SLC39A11: variants seen among roughly 807,000 people sequenced by gnomAD.
The protein encoded by SLC39A11 is zinc transporter ZIP11.
In SLC39A11, 33 loss-of-function variants were observed where a neutral mutation model predicts 36.1. The observed-to-expected ratio is 0.91, with a 90% CI of 0.69 to 1.22. SLC39A11 has a LOEUF of 1.22. SLC39A11 is among the 50% of genes most tolerant of loss of function. SLC39A11 has a pLI of 0.00. For synonymous variants in SLC39A11, 166 were observed against 170.3 expected, an observed-to-expected ratio of 0.97 and a Z score of 0.20; for missense variants, 432 against 430.3, an observed-to-expected ratio of 1.00 and a Z score of -0.03.
intron 5 of SLC39A11, among the ~76,000 whole-genome samples, chr17:72,924,093 G>A (rs2083875560): frequency 6.8e-6 from 1 of 147,430 alleles, no homozygotes; most frequent in Non-Finnish European, 1.5e-5. Context: ...GCTGCAGTGA[G>A]CCAAATGGCA....
At chr17:72,888,577 A>G (rs143123313) in intron 5 of SLC39A11, among the ~76,000 whole-genome samples, 14 of 152,228 alleles carry the variant, frequency 9.2e-5, no homozygotes, top group Non-Finnish European at 1.8e-4. Context: ...CATTTTGCCT[A>G]CTCGATCAGC....
chr17:73,047,978 A>AAT (rs1307418502), intron 3 of SLC39A11, among the ~76,000 whole-genome samples: 2 of 55,560 alleles, frequency 3.6e-5, no homozygotes, highest in Non-Finnish European at 8.0e-5. Flanking sequence ...AAAAAAAAAA[A>AAT]AAAAAAAAAA....
At chr17:72,838,025 T>C in intron 6 of SLC39A11, 1 of 1,220,850 alleles carries the variant, frequency 8.2e-7, no homozygotes, top group Non-Finnish European at 1.0e-6. Flanking sequence ...GGCTTACACC[T>C]ATAATCTCAG....
chr17:72,864,481 C>T (rs1028639714), intron 5 of SLC39A11, among the ~76,000 whole-genome samples: 2 of 152,086 alleles, frequency 1.3e-5, no homozygotes, highest in Non-Finnish European at 2.9e-5. Flanking sequence ...ACCAAATAAG[C>T]CATGGGCTGT....
intron 6 of SLC39A11, 85 bp downstream of exon 6, chr17:72,849,549 C>A (rs12449747): frequency 0.9 from 1,235,562 of 1,367,922 alleles, 558,707 homozygotes; most frequent in East Asian, 0.97. Flanking sequence ...ACAATTGCCC[C>A]TTCCCCTTTT....
chr17:72,986,368 G>C (rs536281050), intron 4 of SLC39A11, among the ~76,000 whole-genome samples: 1 of 152,198 alleles, frequency 6.6e-6, no homozygotes, highest in Non-Finnish European at 1.5e-5. Flanking sequence ...GCCTGGCCAT[G>C]CAGACAAAGC....
At position 72,689,988 on chromosome 17, in the gene SLC39A11, C is replaced by T. The variant is rs142948213; in HGVS notation, c.672-40720G>A. On this transcript the variant is annotated intron_variant, in intron 7 of 9. Coordinates refer to ENST00000255559, the MANE Select transcript of SLC39A11 (RefSeq NM_139177.4). ...ATGTTCAAAGAAAGCCTCCTCTCCA[C>T]CGAGCGCTGTGTGAGGGGATCATAC... 9.2e-5 allele frequency among the ~76,000 whole-genome samples: 14 copies of T among 152,358 alleles called. No individual in the cohort carries two copies. In the East Asian group the frequency reaches 2.5e-3, roughly 27 times the overall value.
At chr17:73,085,995 A>C (rs1285180297) in intron 2 of SLC39A11, among the ~76,000 whole-genome samples, 1 of 152,236 alleles carries the variant, frequency 6.6e-6, no homozygotes, top group Non-Finnish European at 1.5e-5. Flanking sequence ...AAGTAGGGTA[A>C]AATCAGCCAG....
chr17:72,677,333 T>C (rs2071312000), intron 7 of SLC39A11, among the ~76,000 whole-genome samples: 1 of 152,144 alleles, frequency 6.6e-6, no homozygotes, highest in Non-Finnish European at 1.5e-5. Flanking sequence ...CAGGAGGCCA[T>C]GGCCAACACC....
At chr17:72,808,812 G>C (rs1203434993) in intron 6 of SLC39A11, among the ~76,000 whole-genome samples, 1 of 151,852 alleles carries the variant, frequency 6.6e-6, no homozygotes, top group African/African-American at 2.4e-5. Flanking sequence ...GTCGGACTCA[G>C]CACATGAGGA....
chr17:72,680,254 C>T (rs561377963), intron 7 of SLC39A11, among the ~76,000 whole-genome samples: 4 of 152,050 alleles, frequency 2.6e-5, no homozygotes, highest in Non-Finnish European at 5.9e-5. Flanking sequence ...CCACCCCTAC[C>T]GCCCTCAGCT....
rs62069516 is a variant in SLC39A11, at chr17:72,700,191, C to T, written c.671+36459G>A. On this transcript the variant is annotated intron_variant, in intron 7 of 9. Coordinates refer to ENST00000255559, the MANE Select transcript of SLC39A11 (RefSeq NM_139177.4). Reference sequence around the variant, plus strand: ...TTGGGTCAGCATCTTTGTTAAAATCCGTATTTCACATCCTGTGCTTGTTCT... The same window carrying T: ...TTGGGTCAGCATCTTTGTTAAAATCTGTATTTCACATCCTGTGCTTGTTCT... Among the ~76,000 whole-genome samples the T allele has an allele frequency of 3.3e-3, 496 of 152,278 alleles. 1 individual carries two copies. Among genetic ancestry groups the T allele is most frequent in the Non-Finnish European group, 5.7e-3 (391 of 68,024 alleles).
In SLC39A11 at chr17:72,968,436, G is replaced by A. The variant is rs538406137; in HGVS notation, c.307-20561C>T. ...GGAGGAAACCCATTGGGAATCTGAAGGGCTACAGGTCATGCATAAGGTCAC... is the reference window on the plus strand; with the variant it reads ...GGAGGAAACCCATTGGGAATCTGAAAGGCTACAGGTCATGCATAAGGTCAC... On this transcript the variant is annotated intron_variant, in intron 4 of 9. Coordinates refer to ENST00000255559, the MANE Select transcript of SLC39A11 (RefSeq NM_139177.4). Among the ~76,000 whole-genome samples the A allele has an allele frequency of 2.0e-3, 309 of 152,268 alleles. 2 individuals are homozygous for A. Among genetic ancestry groups the A allele is most frequent in the Non-Finnish European group, 3.6e-3 (245 of 68,024 alleles).
intron 6 of SLC39A11, among the ~76,000 whole-genome samples, chr17:72,760,603 C>T (rs547907252): frequency 6.6e-6 from 1 of 152,346 alleles, no homozygotes; most frequent in South Asian, 2.1e-4. Context: ...TGACTCAGCA[C>T]AGACCTCCCC....
intron 6 of SLC39A11, among the ~76,000 whole-genome samples, chr17:72,848,554 T>C (rs2079153790): frequency 6.6e-6 from 1 of 152,018 alleles, no homozygotes; most frequent in Admixed American, 6.6e-5. Flanking sequence ...ACCCCATCTC[T>C]ACTAAAAATA....
intron 4 of SLC39A11, among the ~76,000 whole-genome samples, chr17:73,027,632 G>A (rs537610320): frequency 2.6e-4 from 39 of 152,354 alleles, no homozygotes; most frequent in Admixed American, 3.9e-4. Context: ...CAGAGGGACA[G>A]ATAAATCTGA....
chr17:73,083,247 A>G (rs114665656), intron 3 of SLC39A11, among the ~76,000 whole-genome samples: 339 of 152,286 alleles, frequency 2.2e-3, no homozygotes, highest in African/African-American at 8.0e-3. Context: ...TCTCAGGCAC[A>G]GCAGTTATAG....
At chr17:72,777,174 T>C (rs1568073561) in intron 6 of SLC39A11, among the ~76,000 whole-genome samples, 1 of 152,128 alleles carries the variant, frequency 6.6e-6, no homozygotes, top group Non-Finnish European at 1.5e-5. Context: ...TATCGAACTA[T>C]GTGCATTTTA....
At chr17:72,801,969 T>C (rs1467329979) in intron 6 of SLC39A11, among the ~76,000 whole-genome samples, 1 of 152,148 alleles carries the variant, frequency 6.6e-6, no homozygotes, top group African/African-American at 2.4e-5. Flanking sequence ...CTCAAAAATA[T>C]ACCGAGTCAT....
Sources: allele counts gnomAD v4.1 joint callset (sites outside exome capture counted in the v4.1 genomes callset), GRCh38; gene constraint gnomAD v4.1.1; transcripts MANE v1.5; gene names NCBI Gene and HGNC (gene_info 2026-07-23, HGNC 2026-07-21).